RIT2: variants seen among roughly 807,000 people sequenced by gnomAD.
The protein encoded by RIT2 is Ras like without CAAX 2, also known as GTP-binding protein Rit2.
In RIT2, 24 loss-of-function variants were observed where a neutral mutation model predicts 23.7. The ratio of observed to expected loss-of-function variants is 1.01; its 90% CI spans 0.73 to 1.43. The LOEUF (loss-of-function observed/expected upper bound fraction) is 1.43. RIT2 is among the 40% of genes most tolerant of loss of function. The pLI, the probability that RIT2 is intolerant of heterozygous loss-of-function variation, is 0.00. For synonymous variants in RIT2, 107 were observed against 91.1 expected (o/e 1.17, Z -0.99); for missense variants, 236 against 266.9 (o/e 0.88, Z 0.81).
intron 3 of RIT2, among the ~76,000 whole-genome samples, chr18:42,949,659 C>T (rs1251904203): frequency 3.3e-5 from 5 of 152,150 alleles, no homozygotes; most frequent in South Asian, 2.1e-4. Context: ...TTAACTATTT[C>T]GTATTAGTTA....
At chr18:42,903,155 A>C (rs1385782067) in intron 4 of RIT2, among the ~76,000 whole-genome samples, 2 of 152,094 alleles carry the variant, frequency 1.3e-5, no homozygotes, top group African/African-American at 4.8e-5. Context: ...AAAAATGGAC[A>C]AATTTTCATT....
intron 3 of RIT2, among the ~76,000 whole-genome samples, chr18:42,926,185 C>G (rs1909175689): frequency 4.0e-5 from 6 of 151,740 alleles, no homozygotes; most frequent in Admixed American, 3.9e-4. Context: ...ATTGTATCAA[C>G]AATACTTTTT....
chr18:42,782,257 T>C (rs1288483812), intron 4 of RIT2, among the ~76,000 whole-genome samples: 4 of 152,164 alleles, frequency 2.6e-5, no homozygotes, highest in Non-Finnish European at 4.4e-5. Context: ...TAGAGATTAG[T>C]GCTCATGTAT....
chr18:42,758,141 C>A (rs1010523297), intron 4 of RIT2, among the ~76,000 whole-genome samples: 1 of 151,774 alleles, frequency 6.6e-6, no homozygotes, highest in African/African-American at 2.4e-5. Context: ...AGTTCATTTA[C>A]GCTCTTATAT....
intron 4 of RIT2, among the ~76,000 whole-genome samples, chr18:42,825,547 T>A (rs896372310): frequency 4.0e-5 from 6 of 151,872 alleles, no homozygotes; most frequent in African/African-American, 1.4e-4. Flanking sequence ...AGACTAAGTA[T>A]TTTACACAAA....
intron 4 of RIT2, among the ~76,000 whole-genome samples, chr18:42,855,054 A>G (rs1274900638): frequency 6.6e-6 from 1 of 152,222 alleles, no homozygotes; most frequent in Non-Finnish European, 1.5e-5. Flanking sequence ...GTCAACATCC[A>G]ACAATTTTCT....
intron 4 of RIT2, among the ~76,000 whole-genome samples, chr18:42,775,878 CACAG>C (rs1436945457): frequency 2.0e-5 from 3 of 151,282 alleles, no homozygotes; most frequent in East Asian, 1.9e-4. Context: ...CACACACACA[CACAG>C]AGATGTAAAT....
chr18:42,863,736 T>C (rs998854930), intron 4 of RIT2, among the ~76,000 whole-genome samples: 1 of 152,086 alleles, frequency 6.6e-6, no homozygotes, highest in Non-Finnish European at 1.5e-5. Context: ...TAGTGCCAGG[T>C]GAAGTATTTT....
intron 1 of RIT2, among the ~76,000 whole-genome samples, chr18:43,059,750 C>CTTGTGGGGA (rs1168377909): frequency 6.6e-6 from 1 of 151,340 alleles, no homozygotes; most frequent in East Asian, 1.9e-4. Flanking sequence ...CTGTGACTTT[C>CTTGTGGGGA]TTGTGGGGAT....
chr18:43,063,237 G>T (rs1912692971), intron 1 of RIT2, among the ~76,000 whole-genome samples: 1 of 152,042 alleles, frequency 6.6e-6, no homozygotes, highest in Non-Finnish European at 1.5e-5. Context: ...CTTGGAGAAG[G>T]GGTGGTTTAA....
At chr18:42,843,614 T>G (rs2144027092) in intron 4 of RIT2, among the ~76,000 whole-genome samples, 1 of 152,316 alleles carries the variant, frequency 6.6e-6, no homozygotes, top group Admixed American at 6.5e-5. Context: ...AGTCTGTTCA[T>G]TTATCATTTT....
At chr18:42,969,830 T>C (rs1910321515) in intron 3 of RIT2, among the ~76,000 whole-genome samples, 1 of 152,136 alleles carries the variant, frequency 6.6e-6, no homozygotes, top group Non-Finnish European at 1.5e-5. Context: ...TCTTTAATTT[T>C]TTATTTAGAT....
chr18:43,074,541 G>C (rs1912967768), intron 1 of RIT2, among the ~76,000 whole-genome samples: 1 of 152,086 alleles, frequency 6.6e-6, no homozygotes, highest in African/African-American at 2.4e-5. Context: ...ATCCAAAACT[G>C]TGCATTACCC....
At chr18:42,912,391 C>T (rs1341389703) in intron 4 of RIT2, among the ~76,000 whole-genome samples, 1 of 151,830 alleles carries the variant, frequency 6.6e-6, no homozygotes, top group African/African-American at 2.4e-5. Flanking sequence ...TTTCCTTACA[C>T]TTACAGAAAT....
intron 1 of RIT2, among the ~76,000 whole-genome samples, chr18:43,078,682 T>C (rs143446473): frequency 6.6e-6 from 1 of 152,294 alleles, no homozygotes; most frequent in Non-Finnish European, 1.5e-5. Flanking sequence ...GGGAGAAGGC[T>C]AAGGAGAATC....
At chr18:42,927,372 GTGT>G (rs1489902871) in intron 3 of RIT2, among the ~76,000 whole-genome samples, 25 of 9,482 alleles carry the variant, frequency 2.6e-3, no homozygotes, top group African/African-American at 3.2e-3. Flanking sequence ...TGGATGTGGT[GTGT>G]GTGTGTGTGT....
intron 4 of RIT2, among the ~76,000 whole-genome samples, chr18:42,764,444 C>T (rs16976782): frequency 0.037 from 5,706 of 152,228 alleles, 328 homozygotes; most frequent in African/African-American, 0.13. Context: ...ATATGCTATA[C>T]CCTAGCTACG....
chr18:42,820,578 C>T (rs117905192), intron 4 of RIT2, among the ~76,000 whole-genome samples: 1 of 152,082 alleles, frequency 6.6e-6, no homozygotes, highest in Non-Finnish European at 1.5e-5. Context: ...CCCTGGCTTT[C>T]TTCTTAATGG....
At chr18:42,859,491 T>C (rs559141352) in intron 4 of RIT2, among the ~76,000 whole-genome samples, 1 of 152,328 alleles carries the variant, frequency 6.6e-6, no homozygotes, top group African/African-American at 2.4e-5. Context: ...ATATTTTCTT[T>C]CATTGTGCAG....
Sources: allele counts gnomAD v4.1 joint callset (sites outside exome capture counted in the v4.1 genomes callset), GRCh38; gene constraint gnomAD v4.1.1; transcripts MANE v1.5; gene names NCBI Gene and HGNC (gene_info 2026-07-23, HGNC 2026-07-21).